The following ARHGAP15 variants were observed in gnomAD, a reference collection of about 807,000 sequenced individuals.
ARHGAP15 encodes the protein rho GTPase-activating protein 15.
Under a neutral mutation model 63.7 loss-of-function variants are expected in ARHGAP15, and 51 were observed. The observed-to-expected ratio is 0.80, with a 90% confidence interval of 0.64 to 1.01. The LOEUF (loss-of-function observed/expected upper bound fraction) is 1.01, where lower values mean the gene tolerates loss of function less well. Ranked by LOEUF, ARHGAP15 falls within the 50% of genes least tolerant of loss-of-function variation. The pLI, the probability that ARHGAP15 is intolerant of heterozygous loss-of-function variation, is 0.00. For missense variants in ARHGAP15, 560 were observed against 564.6 expected (o/e 0.99, Z 0.08); for synonymous variants, 191 against 193.8 (o/e 0.99, Z 0.12).
intron 12 of ARHGAP15, among the ~76,000 whole-genome samples, chr2:143,653,130 A>G (rs1033335571): frequency 6.6e-6 from 1 of 152,128 alleles, no homozygotes; most frequent in African/African-American, 2.4e-5. Context: ...ATCTACTGAG[A>G]TGAACATAAG....
At chr2:143,323,219 A>G (rs576236165) in intron 6 of ARHGAP15, among the ~76,000 whole-genome samples, 2 of 152,218 alleles carry the variant, frequency 1.3e-5, no homozygotes, top group African/African-American at 2.4e-5. Context: ...TTACATGGGT[A>G]TATTATGTAA....
At chr2:143,731,815 A>T (rs1363512513) in intron 13 of ARHGAP15, among the ~76,000 whole-genome samples, 2 of 152,198 alleles carry the variant, frequency 1.3e-5, no homozygotes, top group Admixed American at 1.3e-4. Context: ...TCTTGCTGAA[A>T]AATTTTAAAT....
At chr2:143,455,469 A>C (rs1690604461) in intron 8 of ARHGAP15, among the ~76,000 whole-genome samples, 1 of 152,016 alleles carries the variant, frequency 6.6e-6, no homozygotes, top group South Asian at 2.1e-4. Flanking sequence ...GAATATCTTA[A>C]ACTCTTGGGA....
At chr2:143,288,920 C>A (rs1272051220) in intron 6 of ARHGAP15, among the ~76,000 whole-genome samples, 1 of 151,832 alleles carries the variant, frequency 6.6e-6, no homozygotes, top group Non-Finnish European at 1.5e-5. Flanking sequence ...GAATCAGGGA[C>A]CTTCTAGATG....
rs546033859 is a variant in ARHGAP15 at position 143,186,795 on chromosome 2, G to A, written c.166-15339G>A. Among the ~76,000 whole-genome samples the A allele has an allele frequency of 8.7e-4, 132 of 152,226 alleles. 1 individual carries two copies. The highest frequency in any genetic ancestry group is 3.0e-3 in the African/African-American group (123 of 41,542). On this transcript the variant is annotated intron_variant, in intron 2 of 13. Coordinates refer to ENST00000295095, the MANE Select transcript of ARHGAP15 (RefSeq NM_018460.4). ...GCTGAGAGTACTAATGAGCAAATTC[G>A]TGCTTTGTGGTTTATACACAATGGA...
chr2:143,491,826 A>C (rs561933841), intron 9 of ARHGAP15, among the ~76,000 whole-genome samples: 129 of 152,236 alleles, frequency 8.5e-4, no homozygotes, highest in African/African-American at 3.1e-3. Context: ...TTTCTACTGC[A>C]ATAGGCGTGA....
intron 12 of ARHGAP15, among the ~76,000 whole-genome samples, chr2:143,647,655 G>A (rs550613396): frequency 6.6e-6 from 1 of 151,890 alleles, no homozygotes. Flanking sequence ...TCTCATTTGG[G>A]GAAAAAATTA....
rs762494225 is a variant in ARHGAP15, at chr2:143,218,277, CTTTTTTTTT to C, written c.296+1846_296+1854del. ...CTTAAAGTTATATGTTTTAGTTTTC[CTTTTTTTTT>C]TTTTTTTTTTTTTGTTGCTGCTGTT... On this transcript the variant is annotated intron_variant, in intron 4 of 13. Coordinates refer to ENST00000295095, the MANE Select transcript of ARHGAP15 (RefSeq NM_018460.4). 1.1e-3 allele frequency among the ~76,000 whole-genome samples: 101 copies of C among 92,048 alleles called. 2 individuals carry two copies. Among genetic ancestry groups the C allele is most frequent in the African/African-American group, 3.9e-3 (94 of 23,846 alleles). The allele number at this position is 92,048 out of a possible 152,430, so 60.4% of individuals were successfully genotyped here.
intron 6 of ARHGAP15, among the ~76,000 whole-genome samples, chr2:143,407,952 C>A (rs1688272225): frequency 8.8e-6 from 1 of 113,942 alleles, no homozygotes; most frequent in Admixed American, 9.0e-5. Flanking sequence ...AATTTTTCTT[C>A]TGGTGTGGGT....
intron 10 of ARHGAP15, among the ~76,000 whole-genome samples, chr2:143,555,960 TGAGAA>T (rs1240540164): frequency 1.3e-5 from 2 of 150,000 alleles, no homozygotes; most frequent in African/African-American, 4.9e-5. Context: ...GAAAAAGAGC[TGAGAA>T]GAGGAGAGGA....
chr2:143,586,129 T>C (rs1697098474), intron 11 of ARHGAP15, among the ~76,000 whole-genome samples: 1 of 152,142 alleles, frequency 6.6e-6, no homozygotes, highest in Non-Finnish European at 1.5e-5. Context: ...TTCTCTGAGG[T>C]CATTCCTCCC....
intron 11 of ARHGAP15, among the ~76,000 whole-genome samples, chr2:143,562,337 A>T (rs1696063419): frequency 6.6e-6 from 1 of 152,234 alleles, no homozygotes; most frequent in Non-Finnish European, 1.5e-5. Context: ...TGAAACAGAA[A>T]AAGATCTGAA....
chr2:143,758,151 A>T (rs1407518996), intron 13 of ARHGAP15, among the ~76,000 whole-genome samples: 1 of 152,012 alleles, frequency 6.6e-6, no homozygotes, highest in Admixed American at 6.6e-5. Context: ...AGGTATTTTT[A>T]TATGTACTGA....
intron 10 of ARHGAP15, among the ~76,000 whole-genome samples, chr2:143,542,011 G>T: frequency 6.6e-6 from 1 of 152,218 alleles, no homozygotes; most frequent in Non-Finnish European, 1.5e-5. Context: ...TCCTTGAGCT[G>T]TGGTGGGCTC....
At chr2:143,323,574 C>T (rs1300130569) in intron 6 of ARHGAP15, among the ~76,000 whole-genome samples, 2 of 152,008 alleles carry the variant, frequency 1.3e-5, no homozygotes, top group East Asian at 1.9e-4. Context: ...ATTCAGTGGC[C>T]CATTCTGTTT....
At chr2:143,723,085 CTG>C (rs574870392) in intron 13 of ARHGAP15, among the ~76,000 whole-genome samples, 19 of 152,206 alleles carry the variant, frequency 1.2e-4, no homozygotes, top group Non-Finnish European at 2.1e-4. Flanking sequence ...ACAAATACCA[CTG>C]TGTTAAAACT....
intron 9 of ARHGAP15, among the ~76,000 whole-genome samples, chr2:143,518,287 A>C (rs1693907980): frequency 6.6e-6 from 1 of 152,246 alleles, no homozygotes; most frequent in Non-Finnish European, 1.5e-5. Flanking sequence ...GACACTCAGA[A>C]TCTGCTTTGA....
chr2:143,291,561 G>A (rs1682402194), intron 6 of ARHGAP15, among the ~76,000 whole-genome samples: 1 of 152,066 alleles, frequency 6.6e-6, no homozygotes, highest in Non-Finnish European at 1.5e-5. Context: ...TGTATTACCA[G>A]GTGGGTTCTC....
intron 6 of ARHGAP15, among the ~76,000 whole-genome samples, chr2:143,259,126 G>T (rs1680583627): frequency 6.6e-6 from 1 of 151,974 alleles, no homozygotes; most frequent in Non-Finnish European, 1.5e-5. Context: ...ATCTGCGATA[G>T]ATTTGAAATC....
Sources: gnomAD v4.1 joint callset for allele counts (sites outside exome capture counted in the v4.1 genomes callset) on GRCh38, gnomAD v4.1.1 for gene constraint, MANE v1.5 for transcripts, NCBI Gene and HGNC (gene_info 2026-07-23, HGNC 2026-07-21) for gene names.